The following RGS22 variants were observed in gnomAD, a reference collection of about 807,000 sequenced individuals.
RGS22 encodes the protein regulator of G protein signaling 22, also known as regulator of G-protein signaling 22.
Under a neutral mutation model 172.9 loss-of-function variants are expected in RGS22, and 148 were observed. The ratio of observed to expected loss-of-function variants is 0.86; its 90% CI spans 0.75 to 0.98. The LOEUF (loss-of-function observed/expected upper bound fraction) is 0.98. Among genes scored for constraint, RGS22 ranks in the 50% least tolerant of loss-of-function variants. RGS22 has a pLI of 0.00. For missense variants in RGS22, 1,347 were observed against 1,440.8 expected (o/e 0.93, Z 1.05); for synonymous variants, 458 against 480.2 (o/e 0.95, Z 0.60).
chr8:100,046,486 A>C (rs1318985680), intron 11 of RGS22: 1 of 151,450 alleles, frequency 6.6e-6, no homozygotes, highest in African/African-American at 2.4e-5. Context: ...TGCCTTCAGA[A>C]CGGTGTTGCA....
intron 22 of RGS22, among the ~76,000 whole-genome samples, chr8:99,980,539 G>A (rs1033678808): frequency 6.6e-6 from 1 of 152,164 alleles, no homozygotes; most frequent in African/African-American, 2.4e-5. Context: ...TGGGGTAGGA[G>A]GCAATGCCAT....
intron 20 of RGS22, among the ~76,000 whole-genome samples, chr8:99,995,237 A>C (rs1814228227): frequency 6.6e-6 from 1 of 152,222 alleles, no homozygotes; most frequent in South Asian, 2.1e-4. Context: ...CACCAAAAGC[A>C]ATGGCAACAA....
chr8:100,006,202 A>G, intron 15 of RGS22, 93 bp from the exon 16 acceptor site: 2 of 976,022 alleles, frequency 2.0e-6, no homozygotes, highest in Non-Finnish European at 3.1e-6. Flanking sequence ...CCAATAAAGG[A>G]AATTATTTTC....
Position 99,992,517 on chromosome 8 carries a change from A to T in RGS22, c.3018+3945T>A, listed in dbSNP as rs1813869551. ...AACCAACAAAGATCAAAATAGACAA[A>T]GAAGGCCGTTACATAATGCTAAAGG... On this transcript the variant is annotated intron_variant, in intron 20 of 27. Transcript: ENST00000360863. Among the ~76,000 whole-genome samples, 3 of 152,228 alleles carry T rather than the reference A, an allele frequency of 2.0e-5. 1 individual carries two copies. In the South Asian group the frequency reaches 6.2e-4, roughly 32 times the overall value.
intron 14 of RGS22, among the ~76,000 whole-genome samples, chr8:100,015,320 TCTTG>T (rs1816828362): frequency 6.6e-6 from 1 of 152,040 alleles, no homozygotes; most frequent in South Asian, 2.1e-4. Flanking sequence ...TGAGATGGAG[TCTTG>T]CTTTGTCACC....
At chr8:100,001,592 T>C (rs564189341) in intron 18 of RGS22, among the ~76,000 whole-genome samples, 1 of 152,288 alleles carries the variant, frequency 6.6e-6, no homozygotes, top group South Asian at 2.1e-4. Context: ...TATTAATAAA[T>C]TGTGATTAAG....
intron 2 of RGS22, among the ~76,000 whole-genome samples, chr8:100,103,192 C>A (rs1364309060): frequency 6.6e-6 from 1 of 152,154 alleles, no homozygotes; most frequent in Non-Finnish European, 1.5e-5. Context: ...AGGAAGTAAT[C>A]TAATACAACT....
intron 20 of RGS22, among the ~76,000 whole-genome samples, chr8:99,989,569 T>C (rs977555398): frequency 1.1e-4 from 16 of 152,088 alleles, no homozygotes; most frequent in African/African-American, 3.6e-4. Flanking sequence ...ATGTGCCAGG[T>C]GTGTTGGCTC....
chr8:100,098,886 AT>A (rs1160107887), intron 2 of RGS22, among the ~76,000 whole-genome samples: 82 of 38,130 alleles, frequency 2.2e-3, no homozygotes, highest in African/African-American at 7.1e-3. Flanking sequence ...ATTTTATTTT[AT>A]TTTATTTTAT....
chr8:100,008,228 G>T, intron 15 of RGS22, 147 bp downstream of exon 15: 1 of 626,204 alleles, frequency 1.6e-6, no homozygotes, highest in Non-Finnish European at 2.7e-6. Context: ...AGTACAGATG[G>T]GTTTTCACCA....
At chr8:100,103,098 T>C (rs1813626953) in intron 2 of RGS22, among the ~76,000 whole-genome samples, 1 of 152,228 alleles carries the variant, frequency 6.6e-6, no homozygotes, top group Admixed American at 6.5e-5. Context: ...CAAGGTAATG[T>C]TTTAAAAAAT....
intron 20 of RGS22, among the ~76,000 whole-genome samples, chr8:99,993,729 A>G (rs186499167): frequency 6.6e-6 from 1 of 152,350 alleles, no homozygotes; most frequent in Admixed American, 6.5e-5. Context: ...TATTCCAATC[A>G]ATAGAAAAAG....
chr8:100,047,360 A>T lies in RGS22; in HGVS notation c.1823+103T>A, dbSNP rs1040222601. 7.5e-6 allele frequency: 8 copies of T among 1,060,414 alleles called. No homozygotes were observed. In the Admixed American group the frequency reaches 2.1e-4, roughly 28 times the overall value. The allele number at this position is 1,060,414 out of a possible 1,614,324, so 65.7% of individuals were successfully genotyped here. A position where few individuals can be genotyped will look rare whatever the true frequency, so the allele number is the denominator to read the frequency against. ...ATCATTGAAAATTAAGAACCCATGT[A>T]AAAATATCAAAGTACTAGTTTTTAA... On this transcript the variant is annotated intron_variant, in intron 11 of 27. Transcript: ENST00000360863.
In RGS22 at chr8:100,039,964, TG is replaced by T; in HGVS notation, c.2061del (p.Asn687LysfsTer63). ...AATTTTAAATAATTCTTTTCTACCT[TG>T]TTCCCTGAATGCTCGCAGAATTTAG... ...FFTKFCEHSG[N>X]KLWKNSVYFW... On this transcript the variant is annotated frameshift_variant, in exon 13 of 28. Coordinates refer to ENST00000360863, the MANE Select transcript of RGS22 (RefSeq NM_015668.5). LOFTEE classifies it high-confidence loss of function. 3.9e-6 allele frequency: 6 copies of T among 1,524,058 alleles called. No homozygotes were observed. The highest frequency in any genetic ancestry group is 5.3e-6 in the Non-Finnish European group (6 of 1,134,106). 94.4% of individuals were successfully genotyped at this position (1,524,058 alleles called of 1,614,324 possible). A position where few individuals can be genotyped will look rare whatever the true frequency, so the allele number is the denominator to read the frequency against.
chr8:100,049,257 C>A (rs535464622), intron 10 of RGS22, among the ~76,000 whole-genome samples: 13 of 152,132 alleles, frequency 8.5e-5, no homozygotes, highest in Admixed American at 2.0e-4. Context: ...TCCAAATTTA[C>A]AGAACTATAC....
chr8:99,962,400 C>G lies in RGS22; in HGVS notation c.*39G>C, dbSNP rs749358594. The G allele has an allele frequency of 6.2e-7, 1 of 1,610,636 alleles. No homozygotes were observed. The highest frequency in any genetic ancestry group is 1.1e-5 in the South Asian group (1 of 90,968). Reference sequence around the variant, plus strand: ...CATTCAGACTATGACGTACCTTGAACCTATCAGCAGCAGGATGTAAACATT... The same window carrying G: ...CATTCAGACTATGACGTACCTTGAAGCTATCAGCAGCAGGATGTAAACATT... On this transcript the variant is annotated 3_prime_UTR_variant, in exon 27 of 28. Transcript: ENST00000360863.
chr8:100,041,445 A>G (rs554434955), intron 12 of RGS22, among the ~76,000 whole-genome samples: 2 of 151,528 alleles, frequency 1.3e-5, no homozygotes, highest in Non-Finnish European at 2.9e-5. Context: ...AGCCAAGACC[A>G]TGCCACGGCA....
At chr8:100,099,986 AACC>A (rs749337521) in intron 2 of RGS22, among the ~76,000 whole-genome samples, 35 of 152,174 alleles carry the variant, frequency 2.3e-4, no homozygotes, top group Non-Finnish European at 3.8e-4. Flanking sequence ...GTTTGAAAAA[AACC>A]ACCAAGTGGT....
At chr8:100,031,556 T>C (rs1818810397) in intron 14 of RGS22, among the ~76,000 whole-genome samples, 1 of 152,150 alleles carries the variant, frequency 6.6e-6, no homozygotes, top group Non-Finnish European at 1.5e-5. Flanking sequence ...TCCCATTTCT[T>C]ACTTTTAAAA....
Sources: allele counts gnomAD v4.1 joint callset (sites outside exome capture counted in the v4.1 genomes callset), GRCh38; gene constraint gnomAD v4.1.1; transcripts MANE v1.5; gene names NCBI Gene and HGNC (gene_info 2026-07-23, HGNC 2026-07-21).